TNXB: variants seen among roughly 807,000 people sequenced by gnomAD.
TNXB encodes tenascin XB.
Under a neutral mutation model 340.5 loss-of-function variants are expected in TNXB, and 183 were observed. That is an observed-to-expected ratio of 0.54 (90% CI 0.48 to 0.61). TNXB has a LOEUF of 0.61. TNXB is among the 20% of genes least tolerant of loss of function. TNXB has a pLI of 0.00. For missense variants in TNXB, 4,613 were observed against 5,446.4 expected (o/e 0.85, Z 4.82); for synonymous variants, 2,121 against 2,314.5 (o/e 0.92, Z 2.40).
At chr6:32,043,642 A>G in intron 35 of TNXB, 86 bp from the exon 36 acceptor site, 1 of 1,533,512 alleles carries the variant, frequency 6.5e-7, no homozygotes, top group Non-Finnish European at 9.0e-7. Context: ...CCCGTCCGCA[A>G]TCGGAGCCTC....
Position 32,084,657 on chromosome 6 carries a change from C to A in TNXB, c.3201G>T (p.Glu1067Asp). ...GKSSGPPRLG[E>D]LTVTDRTSDS... is the part of the protein sequence containing the mutation. ...CGGAGGTCCTGTCTGTCACCGTCAG[C>A]TCACCCAGGCGTGGTGGGCCTGAGG... Residue 1067 changes from glutamate (E) to aspartate (D), a missense_variant, in exon 8 of 44, where the codon GAG becomes GAT. Physicochemically the swap from Glu to Asp is conservative, Grantham distance 45 (BLOSUM62 2). Coordinates refer to ENST00000644971, the MANE Select transcript of TNXB (RefSeq NM_001365276.2). The surrounding 1 kb of genome is among the most constrained non-coding windows in gnomAD (Gnocchi z 5.5). 1 of 1,596,630 alleles carries A rather than the reference C, an allele frequency of 6.3e-7. No homozygotes were observed. The highest frequency in any genetic ancestry group is 8.5e-7 in the Non-Finnish European group (1 of 1,170,644).
intron 1 of TNXB, among the ~76,000 whole-genome samples, chr6:32,107,489 A>G (rs1781041051): frequency 6.6e-6 from 1 of 152,028 alleles, no homozygotes; most frequent in Non-Finnish European, 1.5e-5. Context: ...CTGGGCAAGC[A>G]AAGAATTGGG....
chr6:32,098,824 C>A (rs965216522), intron 1 of TNXB, among the ~76,000 whole-genome samples: 2 of 152,198 alleles, frequency 1.3e-5, no homozygotes, highest in Non-Finnish European at 2.9e-5. Context: ...CAAGCTCTCA[C>A]TACTCCAAGG....
In TNXB at chr6:32,049,887, C is replaced by T. The variant is rs1777159129; in HGVS notation, c.9439+111G>A. ...GGGGAGTCCCAGCCCCAGCCACAAG[C>T]AGTTCTGTGGTGCTGACCAGACCCC... On this transcript the variant is annotated intron_variant, in intron 27 of 43. Transcript: ENST00000644971. This position sits in a 1 kb window ranked among gnomAD's most constrained non-coding sequence, Gnocchi z 4.5. 3.5e-5 allele frequency: 53 copies of T among 1,518,494 alleles called. No homozygotes were observed. The highest frequency in any genetic ancestry group is 4.8e-5 in the Non-Finnish European group (53 of 1,113,680). 94.1% of individuals were successfully genotyped at this position (1,518,494 alleles called of 1,614,324 possible).
rs1169463930 is a variant in TNXB at position 32,070,971 on chromosome 6, G to A, written c.4991-557C>T. ...CTCCCACTGGGCCTGGTGAAGGAGC[G>A]TGGGCTGCCTGTGAGAATGTTGAGG... On this transcript the variant is annotated intron_variant, in intron 13 of 43. Transcript: ENST00000644971. This position sits in a 1 kb window ranked among gnomAD's most constrained non-coding sequence, Gnocchi z 6.0. Among the ~76,000 whole-genome samples the A allele has an allele frequency of 2.6e-5, 4 of 152,204 alleles. No individual in the cohort carries two copies. Among genetic ancestry groups the A allele is most frequent in the East Asian group, 3.9e-4 (2 of 5,194 alleles).
chr6:32,046,454 G>T lies in TNXB; in HGVS notation c.10327C>A (p.Pro3443Thr), dbSNP rs181032487. 2 of 1,570,164 alleles carry T rather than the reference G, an allele frequency of 1.3e-6. No individual in the cohort carries two copies. The highest frequency in any genetic ancestry group is 4.6e-5 in the East Asian group (2 of 43,908). The part of the protein sequence containing the change: ...GPISADSTTA[P>T]LEKELPPHLG... The stretch of plus-strand genomic sequence containing the variant: ...TGGGGAGGTAGCTCCTTCTCCAGGG[G>T]AGCTGTGCAGAGGGAGGAGGGAAAG... Residue 3443 changes from proline (P) to threonine (T), a missense_variant and splice_region_variant, in exon 31 of 44, where the codon CCC becomes ACC. Physicochemically the swap from Pro to Thr is conservative, Grantham distance 38. Coordinates refer to ENST00000644971, the MANE Select transcript of TNXB (RefSeq NM_001365276.2). This position sits in a 1 kb window ranked among gnomAD's most constrained non-coding sequence, Gnocchi z 6.9.
At position 32,089,234 on chromosome 6, in the gene TNXB, G is replaced by A; in HGVS notation, c.2504C>T (p.Thr835Ile). ...GCCCCAGCTCTCACTGGTGGTGATGGTCTTGGAGGCAGGAAGGCCCCAGCT... is the reference window on the plus strand; with the variant it reads ...GCCCCAGCTCTCACTGGTGGTGATGATCTTGGAGGCAGGAAGGCCCCAGCT... ...GTSWGLPASK[T>I]ITTMIDGPQD... The change falls in exon 5 of 44, where the codon ACC becomes ATC. Residue 835 changes from threonine to isoleucine, a missense_variant. By Grantham distance (89) the Thr-to-Ile change is moderately conservative. Coordinates refer to ENST00000644971, the MANE Select transcript of TNXB (RefSeq NM_001365276.2). The surrounding 1 kb of genome is among the most constrained non-coding windows in gnomAD (Gnocchi z 6.2). 6.2e-7 allele frequency: 1 copy of A among 1,602,826 alleles called. No homozygotes were observed. The highest frequency in any genetic ancestry group is 8.5e-7 in the Non-Finnish European group (1 of 1,175,120).
In TNXB at chr6:32,072,023, G is replaced by A. The variant is rs201184519; in HGVS notation, c.4957C>T (p.Arg1653Ter). Residue 1653 changes from arginine (R) to a stop codon, truncating the protein, a stop_gained, in exon 13 of 44, where the codon CGA (arginine) becomes TGA (stop). Coordinates refer to ENST00000644971, the MANE Select transcript of TNXB (RefSeq NM_001365276.2). LOFTEE classifies it high-confidence loss of function. The surrounding 1 kb of genome is among the most constrained non-coding windows in gnomAD (Gnocchi z 4.4). ...FLLFGIQDGK[R>*]RSPVSVEAKT... Reference sequence around the variant, plus strand: ...GCCTCCACAGAGACTGGGCTGCGTCGTTTCCCATCCTGGATCCCAAAGAGC... The same window carrying A: ...GCCTCCACAGAGACTGGGCTGCGTCATTTCCCATCCTGGATCCCAAAGAGC... The A allele has an allele frequency of 2.6e-5, 42 of 1,607,810 alleles. No individual in the cohort carries two copies. The East Asian group carries it at 5.8e-4, about 22-fold the overall frequency.
intron 21 of TNXB, among the ~76,000 whole-genome samples, chr6:32,059,234 TATC>T (rs1386404155): frequency 6.6e-6 from 1 of 150,674 alleles, no homozygotes; most frequent in Non-Finnish European, 1.5e-5. Context: ...GCTTGGCCAA[TATC>T]ATGAAACCCG....
At chr6:32,103,920 G>A (rs952153321) in intron 1 of TNXB, among the ~76,000 whole-genome samples, 4 of 151,946 alleles carry the variant, frequency 2.6e-5, no homozygotes, top group Non-Finnish European at 4.4e-5. Flanking sequence ...TAGTAGAGAC[G>A]AGGTTTCACC....
In TNXB at chr6:32,079,294, C is replaced by T; in HGVS notation, c.4114G>A (p.Glu1372Lys). 1.2e-6 allele frequency: 2 copies of T among 1,613,046 alleles called. No homozygotes were observed. Among genetic ancestry groups the T allele is most frequent in the Middle Eastern group, 1.7e-4 (1 of 6,060 alleles). Residue 1372 changes from glutamate to lysine, a missense_variant, in exon 11 of 44, where the codon GAG (glutamate) becomes AAG (lysine). This residue lies in a region of TNXB where 4,327 missense variants were observed against 4,859.4 expected (regional missense o/e 0.89). Coordinates refer to ENST00000644971, the MANE Select transcript of TNXB (RefSeq NM_001365276.2). This position sits in a 1 kb window ranked among gnomAD's most constrained non-coding sequence, Gnocchi z 7.1. ...LGTEAPESPEEPLLGELTVTG... is the reference protein window; with the variant it reads ...LGTEAPESPEKPLLGELTVTG... ...ACTGTCAGCTCCCCCAGGAGCGGCTCCTCGGGGGACTCCGGGGCCTCCGTG... is the reference window on the plus strand; with the variant it reads ...ACTGTCAGCTCCCCCAGGAGCGGCTTCTCGGGGGACTCCGGGGCCTCCGTG...
chr6:32,048,902 G>A (rs1265679476), intron 28 of TNXB, among the ~76,000 whole-genome samples: 3 of 152,198 alleles, frequency 2.0e-5, no homozygotes, highest in Admixed American at 6.5e-5. Flanking sequence ...GTTAGGAAAC[G>A]CCTGCAAAGT....
At chr6:32,104,638 TTTTTC>T (rs1780887934) in intron 1 of TNXB, among the ~76,000 whole-genome samples, 1 of 152,062 alleles carries the variant, frequency 6.6e-6, no homozygotes, top group South Asian at 2.1e-4. Context: ...GGCTGCTTTT[TTTTTC>T]TTTTTTTTTG....
intron 21 of TNXB, among the ~76,000 whole-genome samples, chr6:32,060,789 C>A (rs1777958659): frequency 6.6e-6 from 1 of 151,914 alleles, no homozygotes; most frequent in Non-Finnish European, 1.5e-5. Context: ...CAGGCATGTG[C>A]CACCATGCTT....
At chr6:32,071,146 C>A (rs541743838) in intron 13 of TNXB, among the ~76,000 whole-genome samples, 22 of 152,272 alleles carry the variant, frequency 1.4e-4, no homozygotes, top group Non-Finnish European at 8.8e-5. Context: ...CAATAGGGAG[C>A]CCCCAGGGGC....
chr6:32,108,011 G>C lies in TNXB; in HGVS notation c.-9+1170C>G, dbSNP rs1006618727. On this transcript the variant is annotated intron_variant, in intron 1 of 43. Coordinates refer to ENST00000644971, the MANE Select transcript of TNXB (RefSeq NM_001365276.2). This position sits in a 1 kb window ranked among gnomAD's most constrained non-coding sequence, Gnocchi z 4.8. ...CGGCCTGGGAATGGAAAAATTAAGA[G>C]AAAGGATTTCCAGGCCCCAGCTGAA... 2.6e-5 allele frequency among the ~76,000 whole-genome samples: 4 copies of C among 152,146 alleles called. No homozygotes were observed. The highest frequency in any genetic ancestry group is 4.4e-5 in the Non-Finnish European group (3 of 68,028).
Position 32,058,132 on chromosome 6 carries a change from C to A in TNXB, c.7751G>T (p.Arg2584Leu), listed in dbSNP as rs747625465. The A allele has an allele frequency of 1.9e-6, 3 of 1,612,582 alleles. No individual in the cohort carries two copies. Among genetic ancestry groups the A allele is most frequent in the African/African-American group, 2.7e-5 (2 of 74,898 alleles). The change falls in exon 22 of 44, where the codon CGC (arginine) becomes CTC (leucine). Residue 2584 changes from arginine to leucine, a missense_variant. Around this residue, in one of 7 missense-constraint regions of TNXB, gnomAD observed 4,327 missense variants for 4,859.4 expected, o/e 0.89. Transcript: ENST00000644971. This position sits in a 1 kb window ranked among gnomAD's most constrained non-coding sequence, Gnocchi z 5.1. ...KVTVRGLEPG[R>L]KYKMHLYGLH... ...GCCGTACAGGTGCATCTTGTACTTG[C>A]GCCCAGGCTCCAGGCCCCTCACAGT...
At chr6:32,099,170 A>T (rs1313982033) in intron 1 of TNXB, among the ~76,000 whole-genome samples, 2 of 151,036 alleles carry the variant, frequency 1.3e-5, no homozygotes, top group Non-Finnish European at 2.9e-5. Flanking sequence ...TTCCCCAAAC[A>T]CCTGGATCCC....
Position 32,074,714 on chromosome 6 carries a change from G to A in TNXB, c.4376-762C>T, listed in dbSNP as rs1476027758. On this transcript the variant is annotated intron_variant, in intron 11 of 43. Coordinates refer to ENST00000644971, the MANE Select transcript of TNXB (RefSeq NM_001365276.2). This position sits in a 1 kb window ranked among gnomAD's most constrained non-coding sequence, Gnocchi z 5.5. ...TTTTTTTTTGAGACGGAGTTTCGCT[G>A]TTGTTGCTCAGGCTGGTGTGCGATG... is the stretch of plus-strand genomic sequence containing the variant. Among the ~76,000 whole-genome samples, 1 of 151,946 alleles carries A rather than the reference G, an allele frequency of 6.6e-6. No individual in the cohort carries two copies. Among genetic ancestry groups the A allele is most frequent in the African/African-American group, 2.4e-5 (1 of 41,354 alleles).
Sources: allele counts gnomAD v4.1 joint callset (sites outside exome capture counted in the v4.1 genomes callset), GRCh38; gene constraint gnomAD v4.1.1; regional missense constraint gnomAD v4.1.1; non-coding constraint Gnocchi (gnomAD v3.1); transcripts MANE v1.5; gene names NCBI Gene and HGNC (gene_info 2026-07-23, HGNC 2026-07-21).